The following PRIM2 variants were observed in gnomAD, a reference collection of about 807,000 sequenced individuals.
PRIM2 encodes DNA primase large subunit.
In PRIM2, 39 loss-of-function variants were observed where a neutral mutation model predicts 67.3. The ratio of observed to expected loss-of-function variants is 0.58; its 90% CI spans 0.45 to 0.76. The LOEUF is 0.76. Ranked by LOEUF, PRIM2 falls within the 30% of genes least tolerant of loss-of-function variation. The pLI, the probability that PRIM2 is intolerant of heterozygous loss-of-function variation, is 0.00. For synonymous variants in PRIM2, 143 were observed against 198.7 expected (o/e 0.72, Z 2.36); for missense variants, 398 against 598.7 (o/e 0.66, Z 3.50).
intron 12 of PRIM2, among the ~76,000 whole-genome samples, chr6:57,629,892 T>C (rs1203130614): frequency 3.3e-5 from 5 of 151,638 alleles, no homozygotes; most frequent in African/African-American, 1.2e-4. Context: ...TATATATTCA[T>C]TAGTTGGATT....
At chr6:57,453,208 G>A (rs1389597261) in intron 7 of PRIM2, among the ~76,000 whole-genome samples, 2 of 152,296 alleles carry the variant, frequency 1.3e-5, no homozygotes, top group South Asian at 2.1e-4. Flanking sequence ...ATAGTTTGAA[G>A]TCAGGCAGCA....
chr6:57,577,427 ATTTTTTT>A (rs1161633688), intron 10 of PRIM2, among the ~76,000 whole-genome samples: 87 of 121,674 alleles, frequency 7.2e-4, no homozygotes, highest in African/African-American at 2.6e-3. Context: ...TGGTATATAA[ATTTTTTT>A]TTTTTTTTTT....
intron 7 of PRIM2, among the ~76,000 whole-genome samples, chr6:57,464,976 A>T (rs1773138306): frequency 6.6e-6 from 1 of 152,208 alleles, no homozygotes; most frequent in Non-Finnish European, 1.5e-5. Context: ...CTAGGTCCCT[A>T]GTATTTACAT....
chr6:57,363,928 A>C (rs914181235), intron 5 of PRIM2, among the ~76,000 whole-genome samples: 40 of 151,956 alleles, frequency 2.6e-4, no homozygotes, highest in Non-Finnish European at 5.1e-4. Flanking sequence ...TTTCATCCTC[A>C]GGTTGTGTCT....
At chr6:57,598,153 G>T (rs1412780364) in intron 10 of PRIM2, among the ~76,000 whole-genome samples, 14 of 152,302 alleles carry the variant, frequency 9.2e-5, no homozygotes, top group African/African-American at 3.4e-4. Context: ...GTTGCTTAAA[G>T]TATCGTGTAG....
intron 6 of PRIM2, among the ~76,000 whole-genome samples, chr6:57,381,680 A>T (rs62415467): frequency 3.3e-5 from 5 of 152,200 alleles, no homozygotes; most frequent in Admixed American, 6.5e-5. Context: ...CAGAATACAA[A>T]GTGGGATATG....
At chr6:57,344,356 A>G (rs1448029644) in intron 5 of PRIM2, among the ~76,000 whole-genome samples, 1 of 152,076 alleles carries the variant, frequency 6.6e-6, no homozygotes, top group African/African-American at 2.4e-5. Flanking sequence ...AAGGTTAAAT[A>G]TTAGATAATA....
At chr6:57,320,061 C>T (rs148961039) in intron 2 of PRIM2, among the ~76,000 whole-genome samples, 2 of 152,280 alleles carry the variant, frequency 1.3e-5, no homozygotes, top group African/African-American at 2.4e-5. Flanking sequence ...GGAAGGGATG[C>T]TTTTTTTCTG....
intron 12 of PRIM2, among the ~76,000 whole-genome samples, chr6:57,609,741 G>A (rs1335365628): frequency 1.3e-5 from 2 of 152,146 alleles, no homozygotes; most frequent in East Asian, 3.8e-4. Flanking sequence ...GATGTATAGT[G>A]CATGCCAGCA....
intron 7 of PRIM2, among the ~76,000 whole-genome samples, chr6:57,430,651 A>G (rs1771794744): frequency 6.6e-6 from 1 of 151,560 alleles, no homozygotes; most frequent in Non-Finnish European, 1.5e-5. Flanking sequence ...AATAGAGATG[A>G]GGTTTCACTA....
intron 11 of PRIM2, among the ~76,000 whole-genome samples, chr6:57,602,142 C>G (rs1776482220): frequency 6.6e-6 from 1 of 150,920 alleles, no homozygotes. Flanking sequence ...TCACTGCAGT[C>G]TCCACCTCCT....
In PRIM2 at chr6:57,391,675, G is replaced by A. The variant is rs575976939; in HGVS notation, c.693+9507G>A. 1.4e-4 allele frequency among the ~76,000 whole-genome samples: 21 copies of A among 152,188 alleles called. No homozygotes were observed. In the South Asian group the frequency reaches 4.4e-3, roughly 32 times the overall value. ...TTTGTTGAAGATCATATGGTTGTAG[G>A]TGTGTGGGCTTATTGCTGGGCTCTC... On this transcript the variant is annotated intron_variant, in intron 7 of 13. Coordinates refer to ENST00000615550, the MANE Select transcript of PRIM2 (RefSeq NM_000947.5).
chr6:57,590,427 T>C (rs1487624994), intron 10 of PRIM2, among the ~76,000 whole-genome samples: 28,108 of 152,104 alleles, frequency 0.18, 2,751 homozygotes, highest in South Asian at 0.22. Flanking sequence ...TAATTCCATA[T>C]AGAGAGCATG....
intron 7 of PRIM2, among the ~76,000 whole-genome samples, chr6:57,456,946 T>C (rs1484952945): frequency 5.3e-5 from 8 of 152,194 alleles, no homozygotes; most frequent in Non-Finnish European, 1.2e-4. Context: ...TTGATGATGG[T>C]GACGTACAGA....
At chr6:57,578,843 AT>A (rs1471517020) in intron 10 of PRIM2, among the ~76,000 whole-genome samples, 2 of 151,088 alleles carry the variant, frequency 1.3e-5, no homozygotes, top group East Asian at 3.9e-4. Flanking sequence ...CGCCCGGCTA[AT>A]TTTTTGTATT....
intron 13 of PRIM2, among the ~76,000 whole-genome samples, chr6:57,634,917 T>G (rs1446629754): frequency 5.9e-5 from 9 of 152,190 alleles, no homozygotes; most frequent in Admixed American, 1.3e-4. Context: ...CTGTTTGTAT[T>G]CACTAGATCT....
intron 11 of PRIM2, among the ~76,000 whole-genome samples, chr6:57,605,663 ATTAAAAT>A (rs1776548166): frequency 1.3e-5 from 2 of 152,138 alleles, no homozygotes; most frequent in Admixed American, 6.5e-5. Flanking sequence ...ATTGCAGTTT[ATTAAAAT>A]ATCTAAAATT....
At chr6:57,352,965 A>T (rs9396279) in intron 5 of PRIM2, among the ~76,000 whole-genome samples, 1 of 152,154 alleles carries the variant, frequency 6.6e-6, no homozygotes, top group Non-Finnish European at 1.5e-5. Flanking sequence ...GCAGAGCACA[A>T]ATATAGCTAG....
In PRIM2 at chr6:57,536,399, A is replaced by G. The variant is rs1775004334; in HGVS notation, c.835-1041A>G. 2.0e-5 allele frequency among the ~76,000 whole-genome samples: 3 copies of G among 152,328 alleles called. No homozygotes were observed. The South Asian group carries it at 6.2e-4, about 32-fold the overall frequency. On this transcript the variant is annotated intron_variant, in intron 9 of 13. Coordinates refer to ENST00000615550, the MANE Select transcript of PRIM2 (RefSeq NM_000947.5). Reference sequence around the variant, plus strand: ...TTAACTTGGTTTCTTTAACATATTTATTTGAATTTTCCTTATGAGAAGTTT... The same window carrying G: ...TTAACTTGGTTTCTTTAACATATTTGTTTGAATTTTCCTTATGAGAAGTTT...
Sources: allele counts gnomAD v4.1 joint callset (sites outside exome capture counted in the v4.1 genomes callset), GRCh38; gene constraint gnomAD v4.1.1; transcripts MANE v1.5; gene names NCBI Gene and HGNC (gene_info 2026-07-23, HGNC 2026-07-21).